The following TEP1 variants were observed in gnomAD, a reference collection of about 807,000 sequenced individuals.
TEP1 encodes the protein telomerase protein component 1.
In TEP1, 241 loss-of-function variants were observed where a neutral mutation model predicts 306.3. The observed-to-expected ratio is 0.79, with a 90% CI of 0.71 to 0.88. The LOEUF is 0.88. Among genes scored for constraint, TEP1 ranks in the 40% least tolerant of loss-of-function variants. The probability of loss-of-function intolerance (pLI) is 0.00; values close to 1 mark genes in which losing one functional copy is unlikely to be tolerated. For synonymous variants in TEP1, 1,289 were observed against 1,305.5 expected, an observed-to-expected ratio of 0.99 and a Z score of 0.27; for missense variants, 3,051 against 3,276.1, an observed-to-expected ratio of 0.93 and a Z score of 1.68.
rs746695887 is a variant in TEP1 at position 20,378,178 on chromosome 14, A to AC, written c.5566dup (p.Val1856GlyfsTer85). On this transcript the variant is annotated frameshift_variant, in exon 39 of 55. Transcript: ENST00000262715. LOFTEE classifies it high-confidence loss of function. ...ACTGTCCAGCCGGCCCACAGCCACA[A>AC]CCCCCCCAGGCACATTGAAGGCCAA... 17 of 1,613,010 alleles carry AC rather than the reference A, an allele frequency of 1.1e-5. No individual in the cohort carries two copies. Among genetic ancestry groups the AC allele is most frequent in the Middle Eastern group, 1.6e-4 (1 of 6,084 alleles).
At chr14:20,401,206 A>G in intron 8 of TEP1, 65 bp from the exon 9 acceptor site, 1 of 1,574,728 alleles carries the variant, frequency 6.4e-7, no homozygotes, top group Non-Finnish European at 8.6e-7. Flanking sequence ...CAGAAAAGGA[A>G]AGGTGAGTCA....
chr14:20,405,814 G>C (rs1879127058), intron 3 of TEP1, among the ~76,000 whole-genome samples: 1 of 152,232 alleles, frequency 6.6e-6, no homozygotes, highest in African/African-American at 2.4e-5. Context: ...AGGAGTTCGA[G>C]AGCAGCCTGG....
In TEP1 at chr14:20,375,680, A is replaced by G. The variant is rs1885132262; in HGVS notation, c.6363+75T>C. 3.3e-6 allele frequency: 3 copies of G among 910,088 alleles called. No individual in the cohort carries two copies. The South Asian group carries it at 4.1e-5, about 13-fold the overall frequency. The allele number at this position is 910,088 out of a possible 1,614,324, so 56.4% of individuals were successfully genotyped here. A position where few individuals can be genotyped will look rare whatever the true frequency, so the allele number is the denominator to read the frequency against. ...CACTATTATTAATGGGTGCCAGAAA[A>G]AGGACGAGGTGGGGAGTGTTGTCTT... On this transcript the variant is annotated intron_variant, in intron 43 of 54. Transcript: ENST00000262715.
intron 24 of TEP1, 30 bp downstream of exon 24, chr14:20,384,008 C>G (rs767669514): frequency 6.3e-7 from 1 of 1,585,980 alleles, no homozygotes. Context: ...GCCTTCCCTC[C>G]CTCCTGCCCA....
At position 20,380,440 on chromosome 14, in the gene TEP1, C is replaced by T. The variant is rs191411803; in HGVS notation, c.4798G>A (p.Glu1600Lys). The T allele has an allele frequency of 2.1e-5, 34 of 1,613,878 alleles. 1 individual carries two copies. The highest frequency in any genetic ancestry group is 3.3e-5 in the Admixed American group (2 of 60,006). ...SVPKEEQKLP[E>K]ADVAVFRTFL... Reference sequence around the variant, plus strand: ...GTGCGAAACACTGCAACGTCAGCCTCGGGGAGCTTTTGTTCCTCTTTGGGG... The same window carrying T: ...GTGCGAAACACTGCAACGTCAGCCTTGGGGAGCTTTTGTTCCTCTTTGGGG... The change falls in exon 34 of 55, where the codon GAG (glutamate) becomes AAG (lysine). Residue 1600 changes from glutamate (E) to lysine (K), a missense_variant. Physicochemically the swap from Glu to Lys is moderately conservative, Grantham distance 56 (BLOSUM62 1). Coordinates refer to ENST00000262715, the MANE Select transcript of TEP1 (RefSeq NM_007110.5).
At chr14:20,405,316 C>T (rs143634087) in intron 4 of TEP1, 135 bp downstream of exon 4, 2 of 1,223,116 alleles carry the variant, frequency 1.6e-6, no homozygotes, top group Admixed American at 2.1e-5. Flanking sequence ...AGGCCGCAGA[C>T]TCACCCAGAA....
rs781279917 is a variant in TEP1, at chr14:20,391,100, A to G, written c.2098-4T>C. The G allele has an allele frequency of 3.3e-5, 53 of 1,613,676 alleles. No individual in the cohort carries two copies. The East Asian group carries it at 1.1e-3, about 34-fold the overall frequency. ...GCAGTGCATAGTTCAGCGGGGGCTG[A>G]TTGGACAAGTGTCAGGGGAAATAAA... On this transcript the variant is annotated splice_region_variant and splice_polypyrimidine_tract_variant and intron_variant, in intron 13 of 54. Transcript: ENST00000262715.
intron 12 of TEP1, among the ~76,000 whole-genome samples, chr14:20,393,773 C>T (rs1877942700): frequency 6.8e-6 from 1 of 147,350 alleles, no homozygotes; most frequent in African/African-American, 2.5e-5. Context: ...CGAAGTGGGA[C>T]TTTGTCTCAA....
In TEP1 at chr14:20,368,878, G is replaced by A. The variant is rs761374373; in HGVS notation, c.7681C>T (p.Leu2561Phe). The A allele has an allele frequency of 3.1e-6, 5 of 1,614,000 alleles. No homozygotes were observed. The East Asian group carries it at 8.9e-5, about 29-fold the overall frequency. ...RKIHSGSVTA[L>F]HVLPELLVTA... ...ACCAGCAACTCAGGTAGCACATGGA[G>A]GGCTGTGACAGAGCCCGAGTGAATC... is the stretch of plus-strand genomic sequence containing the variant. Residue 2561 changes from leucine to phenylalanine, a missense_variant, in exon 54 of 55, where the codon CTC becomes TTC. Transcript: ENST00000262715.
Position 20,372,996 on chromosome 14 carries a change from G to C in TEP1, c.6951+15C>G. 1 of 1,614,038 alleles carries C rather than the reference G, an allele frequency of 6.2e-7. No homozygotes were observed. On this transcript the variant is annotated intron_variant, in intron 48 of 54. Transcript: ENST00000262715. ...GAATTCACACAGACAAAGAACCAAG[G>C]GTACACCGACTCACCTGTGCTGTGG...
chr14:20,382,139 G>C (rs1594338299), intron 29 of TEP1, 76 bp from the exon 30 acceptor site: 1 of 1,610,786 alleles, frequency 6.2e-7, no homozygotes, highest in East Asian at 2.2e-5. Context: ...GTCTCTCCTT[G>C]AACTGCCTGC....
At chr14:20,397,550 A>G (rs1878306821) in intron 9 of TEP1, among the ~76,000 whole-genome samples, 1 of 152,204 alleles carries the variant, frequency 6.6e-6, no homozygotes, top group East Asian at 1.9e-4. Flanking sequence ...TATAATGACG[A>G]ATGTATGTAA....
At chr14:20,387,760 G>T in intron 18 of TEP1, 145 bp downstream of exon 18, 1 of 996,930 alleles carries the variant, frequency 1.0e-6, no homozygotes, top group Non-Finnish European at 1.4e-6. Context: ...CCCTGTGGTA[G>T]AGAAACCTCC....
chr14:20,411,354 C>T (rs1480190444), intron 1 of TEP1, among the ~76,000 whole-genome samples: 1 of 152,106 alleles, frequency 6.6e-6, no homozygotes, highest in Non-Finnish European at 1.5e-5. Flanking sequence ...CAGGCAGATC[C>T]CTGGAACACT....
chr14:20,387,752 C>G (rs1472932980), intron 18 of TEP1, among the ~76,000 whole-genome samples, 153 bp downstream of exon 18: 1 of 152,216 alleles, frequency 6.6e-6, no homozygotes, highest in East Asian at 1.9e-4. Flanking sequence ...TGACAACTCC[C>G]TGTGGTAGAG....
chr14:20,384,720 A>G lies in TEP1; in HGVS notation c.3108-7T>C. The G allele has an allele frequency of 6.2e-7, 1 of 1,608,206 alleles. No homozygotes were observed. The highest frequency in any genetic ancestry group is 8.5e-7 in the Non-Finnish European group (1 of 1,179,488). On this transcript the variant is annotated splice_polypyrimidine_tract_variant and splice_region_variant and intron_variant, in intron 21 of 54. Coordinates refer to ENST00000262715, the MANE Select transcript of TEP1 (RefSeq NM_007110.5). The stretch of plus-strand genomic sequence containing the variant: ...CCAGGCATCTGGCACAGAGCTGACC[A>G]CCAAAGACCCCAAAAGTTGGAATAG...
At position 20,383,483 on chromosome 14, in the gene TEP1, C is replaced by T; in HGVS notation, c.3867+5G>A. The T allele has an allele frequency of 6.2e-7, 1 of 1,614,164 alleles. No homozygotes were observed. The highest frequency in any genetic ancestry group is 8.5e-7 in the Non-Finnish European group (1 of 1,179,982). ...TCCCGACACCCACCTCCTTCTCACA[C>T]TCACCCGGGGAAGCTTCTTTGGGAT... On this transcript the variant is annotated splice_donor_5th_base_variant and intron_variant, in intron 26 of 54. Transcript: ENST00000262715.
At chr14:20,409,683 A>G (rs1367667967) in intron 1 of TEP1, among the ~76,000 whole-genome samples, 3 of 152,158 alleles carry the variant, frequency 2.0e-5, no homozygotes, top group African/African-American at 7.2e-5. Flanking sequence ...TGGATAAGAT[A>G]CTTAAATTCT....
At chr14:20,375,728 C>T (rs776733885) in intron 43 of TEP1, 27 bp downstream of exon 43, 1 of 1,547,986 alleles carries the variant, frequency 6.5e-7, no homozygotes, top group South Asian at 1.1e-5. Flanking sequence ...CAGCTGGGCT[C>T]TGTGCCACCC....
Sources: allele counts gnomAD v4.1 joint callset (sites outside exome capture counted in the v4.1 genomes callset), GRCh38; gene constraint gnomAD v4.1.1; transcripts MANE v1.5; gene names NCBI Gene and HGNC (gene_info 2026-07-23, HGNC 2026-07-21).